The following ASIC2 variants were observed in gnomAD, a reference collection of about 807,000 sequenced individuals.
ASIC2 encodes acid sensing ion channel subunit 2, also known as acid-sensing ion channel 2.
In ASIC2, 25 loss-of-function variants were observed where a neutral mutation model predicts 57.3. The ratio of observed to expected loss-of-function variants is 0.44; its 90% CI spans 0.32 to 0.61. The LOEUF (loss-of-function observed/expected upper bound fraction) is 0.61, where lower values mean the gene tolerates loss of function less well. ASIC2 is among the 20% of genes least tolerant of loss of function. ASIC2 has a pLI of 0.06. For missense variants in ASIC2, 641 were observed against 738.1 expected, an observed-to-expected ratio of 0.87 and a Z score of 1.52; for synonymous variants, 319 against 307.5, an observed-to-expected ratio of 1.04 and a Z score of -0.39.
chr17:33,095,291 C>A (rs2092174058), intron 2 of ASIC2, among the ~76,000 whole-genome samples: 1 of 152,154 alleles, frequency 6.6e-6, no homozygotes, highest in Non-Finnish European at 1.5e-5. Flanking sequence ...TACCCTCTGC[C>A]CACCTTTGCA....
At chr17:33,945,721 GCAA>G (rs1904354649) in intron 1 of ASIC2, among the ~76,000 whole-genome samples, 1 of 152,082 alleles carries the variant, frequency 6.6e-6, no homozygotes, top group African/African-American at 2.4e-5. Flanking sequence ...TGAAAGTTTG[GCAA>G]CAAGAAGCTC....
chr17:33,583,244 A>T (rs181603043), intron 1 of ASIC2, among the ~76,000 whole-genome samples: 25 of 152,358 alleles, frequency 1.6e-4, no homozygotes, highest in Admixed American at 1.3e-3. Flanking sequence ...ATCTATTCTT[A>T]ATTATACAGG....
intron 1 of ASIC2, among the ~76,000 whole-genome samples, chr17:33,685,176 C>T (rs967306508): frequency 3.3e-5 from 5 of 152,314 alleles, no homozygotes; most frequent in African/African-American, 1.2e-4. Context: ...AGATTTCCCC[C>T]CTCCCCAACC....
chr17:33,972,267 T>C (rs137958965), intron 1 of ASIC2, among the ~76,000 whole-genome samples: 4 of 152,346 alleles, frequency 2.6e-5, no homozygotes, highest in East Asian at 1.9e-4. Flanking sequence ...GAGAACTTGA[T>C]GTACAGTAGG....
intron 1 of ASIC2, among the ~76,000 whole-genome samples, chr17:33,229,468 A>C (rs1009504100): frequency 6.6e-6 from 1 of 152,130 alleles, no homozygotes; most frequent in African/African-American, 2.4e-5. Flanking sequence ...GGCAGAGAGG[A>C]GGGCAAGTGT....
intron 1 of ASIC2, among the ~76,000 whole-genome samples, chr17:33,381,100 A>T (rs188025121): frequency 1.1e-3 from 161 of 152,330 alleles, no homozygotes; most frequent in Admixed American, 1.8e-3. Flanking sequence ...AGCTTGTAGC[A>T]CTTGGCCGGT....
In ASIC2 at chr17:33,154,088, G is replaced by A. The variant is rs188439746; in HGVS notation, c.709-42021C>T. On this transcript the variant is annotated intron_variant, in intron 1 of 9. Transcript: ENST00000225823. Reference sequence around the variant, plus strand: ...GGAACTAGGGTGACCAGGCATCCCAGTTTGCCTGAGATGTAGGACCAAGAC... The same window carrying A: ...GGAACTAGGGTGACCAGGCATCCCAATTTGCCTGAGATGTAGGACCAAGAC... Among the ~76,000 whole-genome samples, 159 of 152,278 alleles carry A rather than the reference G, an allele frequency of 1.0e-3. 2 individuals carry two copies. The highest frequency in any genetic ancestry group is 3.9e-3 in the South Asian group (19 of 4,828).
At chr17:33,863,050 G>C (rs543631129) in intron 1 of ASIC2, among the ~76,000 whole-genome samples, 7 of 152,356 alleles carry the variant, frequency 4.6e-5, no homozygotes, top group African/African-American at 1.7e-4. Flanking sequence ...AGAGTGTTCA[G>C]GAGCGCAAGT....
At position 33,518,373 on chromosome 17, in the gene ASIC2, C is replaced by G. The variant is rs915578444; in HGVS notation, c.556-406306G>C. On this transcript the variant is annotated intron_variant, in intron 1 of 9. Coordinates refer to the ASIC2 transcript ENST00000359872. ...GAAAAAGGCTAAGGTTGGTGGAGTC[C>G]CAGCCCCTGCATGATGTGGCAGGGG... Among the ~76,000 whole-genome samples the G allele has an allele frequency of 9.2e-5, 14 of 152,274 alleles. 1 individual carries two copies. Among genetic ancestry groups the G allele is most frequent in the Admixed American group, 9.1e-4 (14 of 15,304 alleles).
At chr17:33,449,409 T>C (rs1028822354) in intron 1 of ASIC2, among the ~76,000 whole-genome samples, 25 of 152,210 alleles carry the variant, frequency 1.6e-4, no homozygotes, top group African/African-American at 5.8e-4. Flanking sequence ...CTCTTCTCTG[T>C]AGCTTCTCCA....
intron 1 of ASIC2, among the ~76,000 whole-genome samples, chr17:33,733,422 C>T (rs1909808613): frequency 6.6e-6 from 1 of 152,194 alleles, no homozygotes; most frequent in South Asian, 2.1e-4. Context: ...CTACAAGTTC[C>T]ATGTCCTGAA....
chr17:33,925,844 C>T lies in ASIC2; in HGVS notation c.555+230134G>A, dbSNP rs116453314. 5.8e-3 allele frequency among the ~76,000 whole-genome samples: 887 copies of T among 152,310 alleles called. 4 individuals carry two copies. The highest frequency in any genetic ancestry group is 0.02 in the African/African-American group (848 of 41,562). ...TTCCACCCTGCTCTACCCAAGGCTG[C>T]GTGGGTGGCCACTGGATTTCACAAT... is the stretch of plus-strand genomic sequence containing the variant. On this transcript the variant is annotated intron_variant, in intron 1 of 9. Coordinates refer to the ASIC2 transcript ENST00000359872.
At chr17:33,775,439 G>A (rs1345470402) in intron 1 of ASIC2, among the ~76,000 whole-genome samples, 3 of 152,228 alleles carry the variant, frequency 2.0e-5, no homozygotes, top group African/African-American at 2.4e-5. Context: ...AGTATTTCTT[G>A]ACAGCTGGAA....
chr17:33,165,616 G>A (rs1012666695), intron 1 of ASIC2, among the ~76,000 whole-genome samples: 18 of 152,118 alleles, frequency 1.2e-4, no homozygotes, highest in Admixed American at 4.6e-4. Flanking sequence ...AGCCAAAAAA[G>A]CCTTTATTTC....
intron 1 of ASIC2, among the ~76,000 whole-genome samples, chr17:33,528,008 C>T (rs1338711963): frequency 1.3e-5 from 2 of 152,046 alleles, no homozygotes; most frequent in African/African-American, 2.4e-5. Flanking sequence ...CTCATTTGAC[C>T]CAATGCCTTG....
chr17:33,252,003 A>G (rs1257146567), intron 1 of ASIC2, among the ~76,000 whole-genome samples: 1 of 152,134 alleles, frequency 6.6e-6, no homozygotes, highest in Non-Finnish European at 1.5e-5. Flanking sequence ...GCCAGGTACT[A>G]TCATGTCCGT....
intron 1 of ASIC2, among the ~76,000 whole-genome samples, chr17:34,093,346 T>C (rs1167513901): frequency 6.6e-6 from 1 of 152,158 alleles, no homozygotes; most frequent in Non-Finnish European, 1.5e-5. Context: ...GGTTTGGGAA[T>C]TGCCAACTTG....
At chr17:33,539,516 C>T (rs1032276505) in intron 1 of ASIC2, among the ~76,000 whole-genome samples, 12 of 152,212 alleles carry the variant, frequency 7.9e-5, no homozygotes, top group African/African-American at 2.4e-4. Context: ...CACATTCTTT[C>T]CTGTTTGCCA....
In ASIC2 at chr17:33,859,628, G is replaced by A. The variant is rs140080340; in HGVS notation, c.555+296350C>T. ...GTATTGACTGGAATTCAACAAAAGCGCTGGAGCTGGCAGTGAAAGAGGCCA... is the reference window on the plus strand; with the variant it reads ...GTATTGACTGGAATTCAACAAAAGCACTGGAGCTGGCAGTGAAAGAGGCCA... On this transcript the variant is annotated intron_variant, in intron 1 of 9. Coordinates refer to the ASIC2 transcript ENST00000359872. 2.6e-5 allele frequency among the ~76,000 whole-genome samples: 4 copies of A among 152,280 alleles called. No homozygotes were observed. In the East Asian group the frequency reaches 5.8e-4, roughly 22 times the overall value.
Sources: gnomAD v4.1 joint callset for allele counts (sites outside exome capture counted in the v4.1 genomes callset) on GRCh38, gnomAD v4.1.1 for gene constraint, MANE v1.5 for transcripts, NCBI Gene and HGNC (gene_info 2026-07-23, HGNC 2026-07-21) for gene names.